Variants in RAB33B observed in about 807,000 individuals in gnomAD.
The protein encoded by RAB33B is ras-related protein Rab-33B.
Under a neutral mutation model 15.0 loss-of-function variants are expected in RAB33B, and 6 were observed. That is an observed-to-expected ratio of 0.40 (90% CI 0.22 to 0.79). The LOEUF (loss-of-function observed/expected upper bound fraction) is 0.79. Among genes scored for constraint, RAB33B ranks in the 30% least tolerant of loss-of-function variants. The pLI, the probability that RAB33B is intolerant of heterozygous loss-of-function variation, is 0.37. For synonymous variants in RAB33B, 117 were observed against 108.3 expected (o/e 1.08, Z -0.50); for missense variants, 257 against 296.4 (o/e 0.87, Z 0.98).
chr4:139,457,359 C>A (rs12651431), intron 1 of RAB33B, among the ~76,000 whole-genome samples: 2 of 152,082 alleles, frequency 1.3e-5, no homozygotes, highest in Non-Finnish European at 2.9e-5. Flanking sequence ...GCTCCTTCCT[C>A]GTGTGTATAT....
the RAB33B span, among the ~76,000 whole-genome samples, chr4:139,445,041 T>A: frequency 6.6e-6 from 1 of 152,262 alleles, no homozygotes; most frequent in African/African-American, 2.4e-5. Flanking sequence ...AAAAGACAGA[T>A]GGATCTTGGA....
the RAB33B span, among the ~76,000 whole-genome samples, chr4:139,440,138 T>C: frequency 6.6e-6 from 1 of 152,330 alleles, no homozygotes; most frequent in Admixed American, 6.5e-5. Context: ...GTTTTTTTGA[T>C]TGTTGTAAGC....
chr4:139,449,270 A>G (rs1431439458), upstream of RAB33B: 1 of 152,126 alleles, frequency 6.6e-6, no homozygotes, highest in Non-Finnish European at 1.5e-5. Context: ...TGTACAAAGG[A>G]TAGTTGTATT....
chr4:139,464,942 TAG>T (rs1750253669), intron 1 of RAB33B, among the ~76,000 whole-genome samples: 1 of 152,234 alleles, frequency 6.6e-6, no homozygotes. Context: ...TTTCTAGTTC[TAG>T]ATCCTTGAGG....
At chr4:139,456,344 A>G (rs1449446765) in intron 1 of RAB33B, among the ~76,000 whole-genome samples, 4 of 152,070 alleles carry the variant, frequency 2.6e-5, no homozygotes, top group African/African-American at 9.7e-5. Context: ...AGGGTGGGGG[A>G]GGAGTTGGGA....
chr4:139,442,060 T>C, the RAB33B span, among the ~76,000 whole-genome samples: 1 of 152,230 alleles, frequency 6.6e-6, no homozygotes, highest in Non-Finnish European at 1.5e-5. Context: ...ATTTTCTCCT[T>C]GACCCAGATT....
chr4:139,467,303 C>T (rs1228605137), intron 1 of RAB33B, among the ~76,000 whole-genome samples: 10 of 128,152 alleles, frequency 7.8e-5, no homozygotes, highest in East Asian at 2.2e-4. Flanking sequence ...CCACGCCCCC[C>T]GCCGCTTTTT....
chr4:139,438,617 C>CA, the RAB33B span, among the ~76,000 whole-genome samples: 2 of 151,862 alleles, frequency 1.3e-5, no homozygotes, highest in South Asian at 4.1e-4. Flanking sequence ...GGTCTGATGG[C>CA]AAATCAGTAA....
intron 1 of RAB33B, among the ~76,000 whole-genome samples, chr4:139,460,631 C>T (rs796137581): frequency 5.3e-5 from 8 of 152,122 alleles, no homozygotes; most frequent in African/African-American, 1.9e-4. Flanking sequence ...GGAGAGATAC[C>T]AAACTGGTTC....
chr4:139,449,157 GCCT>G (rs1259030639), upstream of RAB33B: 1 of 152,238 alleles, frequency 6.6e-6, no homozygotes, highest in Non-Finnish European at 1.5e-5. Context: ...ACTGCGCCCA[GCCT>G]CCTTTTATCA....
Position 139,476,433 on chromosome 4 carries a change from A to G in RAB33B, c.*3307A>G, listed in dbSNP as rs901864972. 6.6e-6 allele frequency: 1 copy of G among 152,214 alleles called. No individual in the cohort carries two copies. The highest frequency in any genetic ancestry group is 2.4e-5 in the African/African-American group (1 of 41,456). 9.4% of individuals were successfully genotyped at this position (152,214 alleles called of 1,614,324 possible). On this transcript the variant is annotated 3_prime_UTR_variant, in exon 2 of 2. Transcript: ENST00000305626. ...TTCAAACACAAAATTGACATTATTC[A>G]TGAAGGACTGCTTTCTTAATCAGAT...
chr4:139,452,267 G>GA (rs1232521257), upstream of RAB33B: 1 of 152,152 alleles, frequency 6.6e-6, no homozygotes, highest in Non-Finnish European at 1.5e-5. Flanking sequence ...ATATAATCAT[G>GA]AAACAGCAAA....
Position 139,475,632 on chromosome 4 carries a change from A to G in RAB33B, c.*2506A>G, listed in dbSNP as rs1474470610. 1 of 152,120 alleles carries G rather than the reference A, an allele frequency of 6.6e-6. No individual in the cohort carries two copies. The highest frequency in any genetic ancestry group is 1.5e-5 in the Non-Finnish European group (1 of 67,974). 9.4% of individuals were successfully genotyped at this position (152,120 alleles called of 1,614,324 possible). ...AACAACTAATTACTAATTTTTAAAG[A>G]ACAAATCACACATTTAAAAAATCTG... On this transcript the variant is annotated 3_prime_UTR_variant, in exon 2 of 2. Transcript: ENST00000305626.
chr4:139,439,759 C>T, the RAB33B span, among the ~76,000 whole-genome samples: 1 of 152,174 alleles, frequency 6.6e-6, no homozygotes, highest in East Asian at 1.9e-4. Flanking sequence ...TTTCCATTAT[C>T]CTCTCTTCAA....
In RAB33B at chr4:139,454,397, G is replaced by A; in HGVS notation, c.202G>A (p.Val68Met). ...CGACCGCACCGAGGCCACGATAGGG[G>A]TGGATTTCCGAGAACGAGCGGTGGA... ...FPDRTEATIGVDFRERAVEID... is the reference protein window; with the variant it reads ...FPDRTEATIGMDFRERAVEID... Residue 68 changes from valine (V) to methionine (M), a missense_variant, in exon 1 of 2, where the codon GTG (valine) becomes ATG (methionine). Val to Met is a conservative substitution (Grantham distance 21). Coordinates refer to ENST00000305626, the MANE Select transcript of RAB33B (RefSeq NM_031296.3). 1.2e-6 allele frequency: 2 copies of A among 1,613,218 alleles called. No homozygotes were observed. Among genetic ancestry groups the A allele is most frequent in the Non-Finnish European group, 1.7e-6 (2 of 1,180,020 alleles).
At position 139,472,777 on chromosome 4, in the gene RAB33B, A is replaced by G; in HGVS notation, c.341A>G (p.Tyr114Cys). 6.2e-7 allele frequency: 1 copy of G among 1,614,140 alleles called. No homozygotes were observed. Among genetic ancestry groups the G allele is most frequent in the Non-Finnish European group, 8.5e-7 (1 of 1,179,960 alleles). Residue 114 changes from tyrosine (Y) to cysteine (C), a missense_variant, in exon 2 of 2, where the codon TAT (tyrosine) becomes TGT (cysteine). Coordinates refer to ENST00000305626, the MANE Select transcript of RAB33B (RefSeq NM_031296.3). ...AATGTACATGCTGTTGTCTTCGTGT[A>G]TGATATGACCAACATGGCTAGTTTT... ...YRNVHAVVFVYDMTNMASFHS... is the reference protein window; with the variant it reads ...YRNVHAVVFVCDMTNMASFHS...
At chr4:139,466,961 CTTTTTTTTTTTT>C (rs35504904) in intron 1 of RAB33B, among the ~76,000 whole-genome samples, 1 of 68,482 alleles carries the variant, frequency 1.5e-5, no homozygotes, top group Non-Finnish European at 2.6e-5. Context: ...GAAGCACAAA[CTTTTTTTTTTTT>C]TTTTTTTTTT....
Position 139,454,352 on chromosome 4 carries a change from T to G in RAB33B, c.157T>G (p.Phe53Val). ...NVGKTCLTYR[F>V]CAGRFPDRTE... ...GGGCAAGACATGCCTGACCTACCGC[T>G]TCTGCGCTGGCCGCTTCCCCGACCG... is the stretch of plus-strand genomic sequence containing the variant. Residue 53 changes from phenylalanine (F) to valine (V), a missense_variant, in exon 1 of 2, where the codon TTC (phenylalanine) becomes GTC (valine). Phe to Val is a conservative substitution (Grantham distance 50). Transcript: ENST00000305626. 1 of 1,614,086 alleles carries G rather than the reference T, an allele frequency of 6.2e-7. No homozygotes were observed. Among genetic ancestry groups the G allele is most frequent in the Non-Finnish European group, 8.5e-7 (1 of 1,180,016 alleles).
chr4:139,470,454 G>A (rs1386202094), intron 1 of RAB33B, among the ~76,000 whole-genome samples: 1 of 152,036 alleles, frequency 6.6e-6, no homozygotes, highest in South Asian at 2.1e-4. Context: ...GAGTAGTGGG[G>A]TACCCTCTGG....
Sources: gnomAD v4.1 joint callset for allele counts (sites outside exome capture counted in the v4.1 genomes callset) on GRCh38, gnomAD v4.1.1 for gene constraint, MANE v1.5 for transcripts, NCBI Gene and HGNC (gene_info 2026-07-23, HGNC 2026-07-21) for gene names.